The following FOXK1 variants were observed in gnomAD, a reference collection of about 807,000 sequenced individuals.
FOXK1 encodes the protein forkhead box protein K1.
A neutral mutation model predicts 51.9 loss-of-function variants in FOXK1; 19 were observed. The ratio of observed to expected loss-of-function variants is 0.37; its 90% CI spans 0.26 to 0.54. FOXK1 has a LOEUF of 0.54. Ranked by LOEUF, FOXK1 falls within the 20% of genes least tolerant of loss-of-function variation. FOXK1 has a pLI of 0.87. For missense variants in FOXK1, 870 were observed against 1,032.7 expected, an observed-to-expected ratio of 0.84 and a Z score of 2.16; for synonymous variants, 537 against 482.6, an observed-to-expected ratio of 1.11 and a Z score of -1.48.
intron 1 of FOXK1, among the ~76,000 whole-genome samples, chr7:4,725,293 G>C (rs1288399842): frequency 6.6e-6 from 1 of 152,228 alleles, no homozygotes; most frequent in Non-Finnish European, 1.5e-5. Flanking sequence ...CGACGCCATC[G>C]GCTCCGGGAA....
At chr7:4,712,833 C>T (rs1024406489) in intron 1 of FOXK1, among the ~76,000 whole-genome samples, 11 of 152,254 alleles carry the variant, frequency 7.2e-5, no homozygotes, top group African/African-American at 1.4e-4. Context: ...CACACAGCGG[C>T]GTGATGAGGA....
chr7:4,717,897 T>G (rs369083228), intron 1 of FOXK1, among the ~76,000 whole-genome samples: 12 of 152,154 alleles, frequency 7.9e-5, no homozygotes, highest in African/African-American at 2.7e-4. Context: ...GGGTGATGGT[T>G]TTCTATTGTA....
intron 1 of FOXK1, among the ~76,000 whole-genome samples, chr7:4,696,483 T>G (rs1779953859): frequency 6.6e-6 from 1 of 152,200 alleles, no homozygotes; most frequent in African/African-American, 2.4e-5. Context: ...AGGTAGCCTT[T>G]GCTTAATAAG....
Position 4,749,608 on chromosome 7 carries a change from G to C in FOXK1, c.747-4851G>C, listed in dbSNP as rs952588106. Among the ~76,000 whole-genome samples, 3 of 152,174 alleles carry C rather than the reference G, an allele frequency of 2.0e-5. No homozygotes were observed. The highest frequency in any genetic ancestry group is 7.2e-5 in the African/African-American group (3 of 41,444). The stretch of plus-strand genomic sequence containing the variant: ...AGGCGGGTCCCTCTGTGTCTCTAGG[G>C]CTTCAGGAGGGATCAGGTCCCTTCT... On this transcript the variant is annotated intron_variant, in intron 2 of 8. Coordinates refer to ENST00000328914, the MANE Select transcript of FOXK1 (RefSeq NM_001037165.2). This position sits in a 1 kb window ranked among gnomAD's most constrained non-coding sequence, Gnocchi z 6.0.
chr7:4,759,444 C>T lies in FOXK1; in HGVS notation c.1545C>T (p.Val515=), dbSNP rs774058429. 22 of 1,594,052 alleles carry T rather than the reference C, an allele frequency of 1.4e-5. No homozygotes were observed. The East Asian group carries it at 4.1e-4, about 29-fold the overall frequency. Residue 515 remains valine (V), a synonymous_variant, in exon 7 of 9, where the codon GTC becomes GTT. Transcript: ENST00000328914. ...SQQPAGHAIH[V]VQQAPTVTMV... is the part of the protein sequence containing the mutation. ...AGCCCGCGGGCCACGCCATCCACGT[C>T]GTGCAGCAGGCCCCCACCGTCACCA...
At chr7:4,693,262 A>G (rs1273904355) in intron 1 of FOXK1, among the ~76,000 whole-genome samples, 1 of 152,212 alleles carries the variant, frequency 6.6e-6, no homozygotes, top group African/African-American at 2.4e-5. Context: ...TTCGAACCCA[A>G]TAAACTCTGT....
At position 4,722,817 on chromosome 7, in the gene FOXK1, C is replaced by T. The variant is rs574752190; in HGVS notation, c.561-18021C>T. Among the ~76,000 whole-genome samples, 1 of 152,284 alleles carries T rather than the reference C, an allele frequency of 6.6e-6. No homozygotes were observed. Among genetic ancestry groups the T allele is most frequent in the East Asian group, 1.9e-4 (1 of 5,170 alleles). On this transcript the variant is annotated intron_variant, in intron 1 of 8. Coordinates refer to ENST00000328914, the MANE Select transcript of FOXK1 (RefSeq NM_001037165.2). This position sits in a 1 kb window ranked among gnomAD's most constrained non-coding sequence, Gnocchi z 5.1. ...GGCCACAGGCCTCCACAGCCCTCTG[C>T]TGTGTCTGTGCACCTTCTCCATCCC... is the stretch of plus-strand genomic sequence containing the variant.
At position 4,722,620 on chromosome 7, in the gene FOXK1, C is replaced by G. The variant is rs550815723; in HGVS notation, c.561-18218C>G. On this transcript the variant is annotated intron_variant, in intron 1 of 8. Transcript: ENST00000328914. This position sits in a 1 kb window ranked among gnomAD's most constrained non-coding sequence, Gnocchi z 5.1. The stretch of plus-strand genomic sequence containing the variant: ...CACACATGCACGTCAGCCGCACACT[C>G]ATGCACGTTCATGTGCTGTCTCTAG... 6.6e-6 allele frequency among the ~76,000 whole-genome samples: 1 copy of G among 152,256 alleles called. No individual in the cohort carries two copies. Among genetic ancestry groups the G allele is most frequent in the African/African-American group, 2.4e-5 (1 of 41,478 alleles).
intron 1 of FOXK1, among the ~76,000 whole-genome samples, chr7:4,697,706 T>A (rs1779970699): frequency 6.6e-6 from 1 of 151,972 alleles, no homozygotes; most frequent in South Asian, 2.1e-4. Context: ...CTTATTATTT[T>A]CTAAAGGTTA....
In FOXK1 at chr7:4,709,079, A is replaced by G. The variant is rs896381663; in HGVS notation, c.560+26211A>G. Among the ~76,000 whole-genome samples, 1 of 150,890 alleles carries G rather than the reference A, an allele frequency of 6.6e-6. No individual in the cohort carries two copies. The highest frequency in any genetic ancestry group is 2.4e-5 in the African/African-American group (1 of 41,100). Reference sequence around the variant, plus strand: ...ACTCTGTCTCAAAAAAAAAAAAAAAAGAAAAGAAAAGAAAAAGAAAAACAA... The same window carrying G: ...ACTCTGTCTCAAAAAAAAAAAAAAAGGAAAAGAAAAGAAAAAGAAAAACAA... On this transcript the variant is annotated intron_variant, in intron 1 of 8. Transcript: ENST00000328914. The surrounding 1 kb of genome is among the most constrained non-coding windows in gnomAD (Gnocchi z 5.6).
rs1013805152 is a variant in FOXK1, at chr7:4,741,166, C to T, written c.746+143C>T. 34 of 561,792 alleles carry T rather than the reference C, an allele frequency of 6.1e-5. No individual in the cohort carries two copies. In the East Asian group the frequency reaches 1.1e-3, roughly 18 times the overall value. 34.8% of individuals were successfully genotyped at this position (561,792 alleles called of 1,614,324 possible). A position where few individuals can be genotyped will look rare whatever the true frequency, so the allele number is the denominator to read the frequency against. ...ATACAGAAAGTGTTGTACGTCCATCCGGGACCTGGCTGAAATTTCCGTGAA... is the reference window on the plus strand; with the variant it reads ...ATACAGAAAGTGTTGTACGTCCATCTGGGACCTGGCTGAAATTTCCGTGAA... On this transcript the variant is annotated intron_variant, in intron 2 of 8. Coordinates refer to ENST00000328914, the MANE Select transcript of FOXK1 (RefSeq NM_001037165.2).
intron 1 of FOXK1, among the ~76,000 whole-genome samples, chr7:4,708,159 C>G (rs569486173): frequency 2.0e-5 from 3 of 151,972 alleles, no homozygotes; most frequent in Admixed American, 6.6e-5. Flanking sequence ...TTGAAGGGCC[C>G]GAGTCTTCCA....
intron 7 of FOXK1, chr7:4,759,832 G>A: frequency 1.7e-6 from 1 of 585,382 alleles, no homozygotes; most frequent in Admixed American, 3.3e-5. Flanking sequence ...GGAGTTCGAG[G>A]TCAGCCTGGC....
chr7:4,719,485 A>G (rs1222037330), intron 1 of FOXK1, among the ~76,000 whole-genome samples: 1 of 150,740 alleles, frequency 6.6e-6, no homozygotes, highest in Non-Finnish European at 1.5e-5. Flanking sequence ...AGCTAACTAC[A>G]CTGCACATAT....
rs542036324 is a variant in FOXK1, at chr7:4,709,348, G to A, written c.560+26480G>A. Among the ~76,000 whole-genome samples the A allele has an allele frequency of 1.6e-4, 25 of 152,298 alleles. No individual in the cohort carries two copies. Among genetic ancestry groups the A allele is most frequent in the African/African-American group, 2.9e-4 (12 of 41,570 alleles). ...TACTGTGCCTCCTTCCCAGTGTCAC[G>A]TTGCTGCGTCCACGAGCCTGGCTTC... On this transcript the variant is annotated intron_variant, in intron 1 of 8. Transcript: ENST00000328914. This position sits in a 1 kb window ranked among gnomAD's most constrained non-coding sequence, Gnocchi z 5.6.
At position 4,682,350 on chromosome 7, in the gene FOXK1, C is replaced by A. The variant is rs937222554; in HGVS notation, c.42C>A (p.Leu14=). 1.2e-4 allele frequency: 119 copies of A among 993,940 alleles called. No individual in the cohort carries two copies. The African/African-American group carries it at 1.8e-3, about 15-fold the overall frequency. 61.6% of individuals were successfully genotyped at this position (993,940 alleles called of 1,614,324 possible). Residue 14 remains leucine (L), a synonymous_variant, in exon 1 of 9, where the codon CTC becomes CTA. Coordinates refer to ENST00000328914, the MANE Select transcript of FOXK1 (RefSeq NM_001037165.2). This position sits in a 1 kb window ranked among gnomAD's most constrained non-coding sequence, Gnocchi z 7.6. The part of the protein sequence containing the change: ...VGEDSGARAL[L]ALRSAPCSPV... ...AGGACAGCGGCGCCCGCGCCCTGCTCGCGCTGCGCTCGGCGCCCTGCAGCC... is the reference window on the plus strand; with the variant it reads ...AGGACAGCGGCGCCCGCGCCCTGCTAGCGCTGCGCTCGGCGCCCTGCAGCC...
In FOXK1 at chr7:4,722,620, C is replaced by T. The variant is rs550815723; in HGVS notation, c.561-18218C>T. On this transcript the variant is annotated intron_variant, in intron 1 of 8. Coordinates refer to ENST00000328914, the MANE Select transcript of FOXK1 (RefSeq NM_001037165.2). This position sits in a 1 kb window ranked among gnomAD's most constrained non-coding sequence, Gnocchi z 5.1. ...CACACATGCACGTCAGCCGCACACT[C>T]ATGCACGTTCATGTGCTGTCTCTAG... 3.2e-4 allele frequency among the ~76,000 whole-genome samples: 49 copies of T among 152,374 alleles called. No individual in the cohort carries two copies. The highest frequency in any genetic ancestry group is 1.2e-3 in the South Asian group (6 of 4,830).
In FOXK1 at chr7:4,756,805, T is replaced by G. The variant is rs529672876; in HGVS notation, c.1051-189T>G. Among the ~76,000 whole-genome samples the G allele has an allele frequency of 6.6e-6, 1 of 151,450 alleles. No individual in the cohort carries two copies. Among genetic ancestry groups the G allele is most frequent in the Non-Finnish European group, 1.5e-5 (1 of 67,930 alleles). ...AAAATGGTAATTATGCGGTGTCAAA[T>G]TTTGATAGGAATGACCTGCCCTGTG... On this transcript the variant is annotated intron_variant, in intron 4 of 8. Transcript: ENST00000328914. This position sits in a 1 kb window ranked among gnomAD's most constrained non-coding sequence, Gnocchi z 4.1.
In FOXK1 at chr7:4,755,113, G is replaced by T; in HGVS notation, c.904-124G>T. 1 of 1,242,468 alleles carries T rather than the reference G, an allele frequency of 8.0e-7. No individual in the cohort carries two copies. The highest frequency in any genetic ancestry group is 2.3e-5 in the Admixed American group (1 of 44,146). 77.0% of individuals were successfully genotyped at this position (1,242,468 alleles called of 1,614,324 possible). On this transcript the variant is annotated intron_variant, in intron 3 of 8. Transcript: ENST00000328914. The surrounding 1 kb of genome is among the most constrained non-coding windows in gnomAD (Gnocchi z 6.6). ...TAATGGGATAGTTGGAGGGCACTGGGACGGGTGCCGGCAAGACGCGCACAT... is the reference window on the plus strand; with the variant it reads ...TAATGGGATAGTTGGAGGGCACTGGTACGGGTGCCGGCAAGACGCGCACAT...
Sources: gnomAD v4.1 joint callset for allele counts (sites outside exome capture counted in the v4.1 genomes callset) on GRCh38, gnomAD v4.1.1 for gene constraint, Gnocchi (gnomAD v3.1) non-coding constraint, MANE v1.5 for transcripts, NCBI Gene and HGNC (gene_info 2026-07-23, HGNC 2026-07-21) for gene names.